Variants in DPH6 observed in about 807,000 individuals in gnomAD.
The protein encoded by DPH6 is diphthamine biosynthesis 6.
Under a neutral mutation model 38.2 loss-of-function variants are expected in DPH6, and 33 were observed. The ratio of observed to expected loss-of-function variants is 0.86; its 90% CI spans 0.65 to 1.15. The LOEUF (loss-of-function observed/expected upper bound fraction) is 1.15, where lower values mean the gene tolerates loss of function less well. Ranked by LOEUF, DPH6 falls within the 50% of genes most tolerant of loss-of-function variation. The probability of loss-of-function intolerance (pLI) is 0.00; values close to 1 mark genes in which losing one functional copy is unlikely to be tolerated. For missense variants in DPH6, 325 were observed against 320.0 expected, an observed-to-expected ratio of 1.02 and a Z score of -0.12; for synonymous variants, 108 against 103.0, an observed-to-expected ratio of 1.05 and a Z score of -0.30.
intron 3 of DPH6, among the ~76,000 whole-genome samples, chr15:35,496,380 C>G (rs1246273576): frequency 2.0e-5 from 3 of 150,744 alleles, no homozygotes; most frequent in African/African-American, 4.9e-5. Context: ...CATGGTGGAA[C>G]CTGTTTCTAC....
intron 3 of DPH6, among the ~76,000 whole-genome samples, chr15:35,275,634 GA>G (rs2051852685): frequency 1.3e-5 from 2 of 151,374 alleles, no homozygotes; most frequent in African/African-American, 4.9e-5. Flanking sequence ...TGGGTTGATA[GA>G]TGCAGCAAAC....
chr15:35,217,281 T>C (rs2051415878), downstream of DPH6: 1 of 152,234 alleles, frequency 6.6e-6, no homozygotes, highest in African/African-American at 2.4e-5. Flanking sequence ...CTCCTGTGAT[T>C]GGCAGCAAAT....
intron 3 of DPH6, among the ~76,000 whole-genome samples, chr15:35,527,599 A>T (rs914373605): frequency 6.6e-6 from 1 of 152,142 alleles, no homozygotes; most frequent in Non-Finnish European, 1.5e-5. Context: ...TATTATATTC[A>T]GTGGGGTGAA....
rs534007717 is a variant in DPH6 at position 35,453,953 on chromosome 15, G to C, written c.386+794C>G. Among the ~76,000 whole-genome samples, 21 of 151,564 alleles carry C rather than the reference G, an allele frequency of 1.4e-4. No homozygotes were observed. In the South Asian group the frequency reaches 4.4e-3, roughly 32 times the overall value. ...TGACTAGCAAAATCACTTATTTGTA[G>C]GTCAAATTGTGCTTAAGAAAAATAA... On this transcript the variant is annotated intron_variant, in intron 4 of 8. Transcript: ENST00000256538.
intron 3 of DPH6, among the ~76,000 whole-genome samples, chr15:35,303,756 T>C (rs188349416): frequency 1.8e-4 from 27 of 151,888 alleles, no homozygotes; most frequent in Admixed American, 1.6e-3. Context: ...TATTCTATAT[T>C]TTGGAGGAAT....
chr15:35,384,867 C>T (rs2052927050), intron 6 of DPH6, among the ~76,000 whole-genome samples: 1 of 151,892 alleles, frequency 6.6e-6, no homozygotes, highest in Non-Finnish European at 1.5e-5. Context: ...TTGCAAGTTA[C>T]CCATCTGGCA....
intron 3 of DPH6, among the ~76,000 whole-genome samples, chr15:35,321,275 T>A (rs1330630367): frequency 2.0e-5 from 3 of 152,202 alleles, no homozygotes; most frequent in Admixed American, 2.0e-4. Context: ...AAGGACAGAG[T>A]GAAGACAGCC....
At chr15:35,533,272 C>G (rs1382318553) in intron 3 of DPH6, among the ~76,000 whole-genome samples, 1 of 152,120 alleles carries the variant, frequency 6.6e-6, no homozygotes, top group Non-Finnish European at 1.5e-5. Flanking sequence ...TAAACATATT[C>G]CCAGTAGTCA....
the DPH6 span, among the ~76,000 whole-genome samples, chr15:35,194,369 C>CAGAGACGAGAGAG: frequency 3.5e-4 from 51 of 144,754 alleles, no homozygotes; most frequent in Admixed American, 2.7e-3. Context: ...TTCCTTTTTC[C>CAGAGACGAGAGAG]AGAGAGAGAG....
intron 3 of DPH6, among the ~76,000 whole-genome samples, chr15:35,248,344 C>T (rs1162972907): frequency 6.6e-6 from 1 of 152,162 alleles, no homozygotes; most frequent in Admixed American, 6.5e-5. Flanking sequence ...TAAGAACTGG[C>T]CGTAAAGCAA....
intron 3 of DPH6, among the ~76,000 whole-genome samples, chr15:35,317,968 T>C (rs182381416): frequency 1.1e-3 from 164 of 151,878 alleles, no homozygotes; most frequent in African/African-American, 3.8e-3. Context: ...GAAGAATGCC[T>C]AATTAACTTA....
intron 3 of DPH6, among the ~76,000 whole-genome samples, chr15:35,232,826 G>A (rs999006702): frequency 2.6e-5 from 4 of 152,088 alleles, no homozygotes; most frequent in African/African-American, 9.7e-5. Flanking sequence ...CTCATACTCA[G>A]CAATTCCATT....
intron 3 of DPH6, among the ~76,000 whole-genome samples, chr15:35,250,827 C>T (rs1451443211): frequency 6.6e-6 from 1 of 152,070 alleles, no homozygotes; most frequent in Non-Finnish European, 1.5e-5. Flanking sequence ...TGTGAGTAGG[C>T]AGAAAGGAAG....
chr15:35,509,859 G>A (rs144540595), intron 3 of DPH6, among the ~76,000 whole-genome samples: 70 of 152,222 alleles, frequency 4.6e-4, no homozygotes, highest in African/African-American at 1.6e-3. Context: ...AGCCACATTA[G>A]GTAATTTAAT....
At chr15:35,267,243 C>T (rs182309475) in intron 3 of DPH6, among the ~76,000 whole-genome samples, 280 of 152,268 alleles carry the variant, frequency 1.8e-3, no homozygotes, top group Non-Finnish European at 3.1e-3. Flanking sequence ...AGCTGCTGAT[C>T]AGATTGGGTG....
chr15:35,354,970 T>C (rs573585479), intron 3 of DPH6, among the ~76,000 whole-genome samples: 22 of 152,222 alleles, frequency 1.4e-4, no homozygotes, highest in Admixed American at 3.3e-4. Context: ...TGGGTGCTCC[T>C]GTATTGGGTG....
At chr15:35,323,301 G>C (rs1479658330) in intron 3 of DPH6, among the ~76,000 whole-genome samples, 1 of 151,996 alleles carries the variant, frequency 6.6e-6, no homozygotes, top group African/African-American at 2.4e-5. Flanking sequence ...GAGAATTTTG[G>C]TTTTATGTCT....
chr15:35,521,813 A>C, intron 3 of DPH6: 1 of 1,258,624 alleles, frequency 7.9e-7, no homozygotes, highest in Non-Finnish European at 1.0e-6. Context: ...ACTACATTGG[A>C]TAATAGCAGT....
At chr15:35,494,865 C>T (rs2054528439) in intron 3 of DPH6, among the ~76,000 whole-genome samples, 1 of 151,702 alleles carries the variant, frequency 6.6e-6, no homozygotes, top group Non-Finnish European at 1.5e-5. Flanking sequence ...TTATAAAAAG[C>T]CTACAGCAAG....
Sources: gnomAD v4.1 joint callset for allele counts (sites outside exome capture counted in the v4.1 genomes callset) on GRCh38, gnomAD v4.1.1 for gene constraint, MANE v1.5 for transcripts, NCBI Gene and HGNC (gene_info 2026-07-23, HGNC 2026-07-21) for gene names.